Variants in SZT2 observed in about 807,000 individuals in gnomAD.
SZT2 encodes SZT2 subunit of KICSTOR complex, also known as KICSTOR complex protein SZT2.
SZT2 carries 216 observed loss-of-function variants against 404.2 expected under a neutral mutation model. That is an observed-to-expected ratio of 0.53 (90% confidence interval 0.48 to 0.60). SZT2 has a LOEUF of 0.60. Ranked by LOEUF, SZT2 falls within the 20% of genes least tolerant of loss-of-function variation. SZT2 has a pLI of 0.00. For synonymous variants in SZT2, 1,693 were observed against 1,749.9 expected (o/e 0.97, Z 0.81); for missense variants, 3,857 against 4,459.2 (o/e 0.86, Z 3.85).
At chr1:43,444,720 G>A (rs1438650974) in intron 62 of SZT2, among the ~76,000 whole-genome samples, 1 of 152,132 alleles carries the variant, frequency 6.6e-6, no homozygotes, top group Non-Finnish European at 1.5e-5. Context: ...AGATTCCCGT[G>A]TTTGTGGCCC....
chr1:43,431,483 C>T lies in SZT2; in HGVS notation c.5048C>T (p.Ala1683Val), dbSNP rs1557569900. ...AGGCACCCAGGACTATCCAATTTGG[C>T]CACGCCCCACAGACTGGCTATTGAG... ...EERHPGLSNL[A>V]TPHRLAIETT... The change falls in exon 35 of 72, where the codon GCC becomes GTC. Residue 1683 changes from alanine (A) to valine (V), a missense_variant. Ala to Val is a moderately conservative substitution (Grantham distance 64). Coordinates refer to ENST00000634258, the MANE Select transcript of SZT2 (RefSeq NM_001365999.1). 12 of 1,614,168 alleles carry T rather than the reference C, an allele frequency of 7.4e-6. No homozygotes were observed. The highest frequency in any genetic ancestry group is 1.0e-5 in the Non-Finnish European group (12 of 1,180,018).
chr1:43,407,359 C>A lies in SZT2; in HGVS notation c.498+2809C>A, dbSNP rs143662016. On this transcript the variant is annotated intron_variant, in intron 4 of 71. Transcript: ENST00000634258. Reference sequence around the variant, plus strand: ...TCTACTAAAAATACAACAACAACAACAAAAAAATTAGCTGGGCGTGATGGT... The same window carrying A: ...TCTACTAAAAATACAACAACAACAAAAAAAAAATTAGCTGGGCGTGATGGT... Among the ~76,000 whole-genome samples, 95 of 152,014 alleles carry A rather than the reference C, an allele frequency of 6.2e-4. No individual in the cohort carries two copies. In the East Asian group the frequency reaches 0.013, roughly 20 times the overall value.
intron 1 of SZT2, among the ~76,000 whole-genome samples, chr1:43,399,753 G>A (rs375011048): frequency 6.6e-6 from 1 of 151,748 alleles, no homozygotes; most frequent in Non-Finnish European, 1.5e-5. Context: ...GAGCCATGGT[G>A]CCCGGCCACC....
rs1028572113 is a variant in SZT2, at chr1:43,420,094, C to T, written c.1091-59C>T. 1.3e-6 allele frequency: 2 copies of T among 1,582,504 alleles called. No individual in the cohort carries two copies. Among genetic ancestry groups the T allele is most frequent in the African/African-American group, 2.7e-5 (2 of 74,684 alleles). Reference sequence around the variant, plus strand: ...ATTTCAGCATAGCCCCTTCCCCCTACAGATCTGTCAGTTGGCAGATAACCA... The same window carrying T: ...ATTTCAGCATAGCCCCTTCCCCCTATAGATCTGTCAGTTGGCAGATAACCA... On this transcript the variant is annotated intron_variant, in intron 8 of 71. Transcript: ENST00000634258. This position sits in a 1 kb window ranked among gnomAD's most constrained non-coding sequence, Gnocchi z 5.1.
In SZT2 at chr1:43,425,845, G is replaced by A. The variant is rs766765965; in HGVS notation, c.2825G>A (p.Arg942Gln). The change falls in exon 20 of 72, where the codon CGG (arginine) becomes CAG (glutamine). Residue 942 changes from arginine (R) to glutamine (Q), a missense_variant. Transcript: ENST00000634258. This position sits in a 1 kb window ranked among gnomAD's most constrained non-coding sequence, Gnocchi z 4.3. ...ATGTTCTTCCTGTAGCTCCACCCAC[G>A]GGATGCTGCCTGCATAGGCTCCATG... ...YSEIPQALHP[R>Q]DAACIGSMLS... The A allele has an allele frequency of 4.3e-6, 7 of 1,613,836 alleles. No individual in the cohort carries two copies. The highest frequency in any genetic ancestry group is 2.2e-5 in the East Asian group (1 of 44,880).
At chr1:43,446,138 T>A in intron 63 of SZT2, 41 bp from the exon 64 acceptor site, 1 of 1,611,978 alleles carries the variant, frequency 6.2e-7, no homozygotes, top group Non-Finnish European at 8.5e-7. Context: ...GATTCGAGGC[T>A]GGTGAGCCCC....
Position 43,437,337 on chromosome 1 carries a change from A to G in SZT2, c.6187+14A>G. The G allele has an allele frequency of 6.2e-7, 1 of 1,614,094 alleles. No homozygotes were observed. Among genetic ancestry groups the G allele is most frequent in the Non-Finnish European group, 8.5e-7 (1 of 1,180,000 alleles). On this transcript the variant is annotated intron_variant, in intron 43 of 71. Coordinates refer to ENST00000634258, the MANE Select transcript of SZT2 (RefSeq NM_001365999.1). The surrounding 1 kb of genome is among the most constrained non-coding windows in gnomAD (Gnocchi z 5.3). Reference sequence around the variant, plus strand: ...GGGTCTCTCGGGGTATGTGATTGGCATGAGAGGGCAGGTGAGCATTGGAAG... The same window carrying G: ...GGGTCTCTCGGGGTATGTGATTGGCGTGAGAGGGCAGGTGAGCATTGGAAG...
chr1:43,419,847 G>T lies in SZT2; in HGVS notation c.993G>T (p.Pro331=), dbSNP rs765819281. Residue 331 remains proline, a synonymous_variant, in exon 8 of 72, where the codon CCG becomes CCT. Transcript: ENST00000634258. ...CCTACCTGTCCACTTGTCCTGAGCC[G>T]GAGCCAGGCAACCTGGGTCTGACTG... ...FGSYLSTCPE[P]EPGNLGLTVY... 2.5e-6 allele frequency: 4 copies of T among 1,598,336 alleles called. No homozygotes were observed. Among genetic ancestry groups the T allele is most frequent in the Non-Finnish European group, 3.4e-6 (4 of 1,179,806 alleles).
rs141075866 is a variant in SZT2 at position 43,428,037 on chromosome 1, G to A, written c.3838G>A (p.Ala1280Thr). Residue 1280 changes from alanine (A) to threonine (T), a missense_variant, in exon 27 of 72, where the codon GCC (alanine) becomes ACC (threonine). By Grantham distance (58) the Ala-to-Thr change is moderately conservative (BLOSUM62 0). Around this residue, in one of 7 missense-constraint regions of SZT2, gnomAD observed 1,725 missense variants for 1,881.0 expected, o/e 0.92. Transcript: ENST00000634258. ...CCTCGACCACCCCTCCCCATCCTCA[G>A]CCTGGATGGAACCCCGGTACAAGGA... ...QFLDHPSPSS[A>T]WMEPRYKEAA... is the part of the protein sequence containing the mutation. 6.9e-5 allele frequency: 112 copies of A among 1,614,152 alleles called. No individual in the cohort carries two copies. In the East Asian group the frequency reaches 2.3e-3, roughly 33 times the overall value.
At position 43,454,151 on chromosome 1, in the gene SZT2, A is replaced by G. The variant is rs762727521; in HGVS notation, c.*3671A>G. On this transcript the variant is annotated 3_prime_UTR_variant, in exon 72 of 72. Transcript: ENST00000634258. Reference sequence around the variant, plus strand: ...TTGCAATGATGGGACGCGCACTTTAATACTGAGTCTTTCCTCTGATTATAA... The same window carrying G: ...TTGCAATGATGGGACGCGCACTTTAGTACTGAGTCTTTCCTCTGATTATAA... 28 of 450,810 alleles carry G rather than the reference A, an allele frequency of 6.2e-5. No homozygotes were observed. In the Middle Eastern group the frequency reaches 2.8e-3, roughly 45 times the overall value. 27.9% of individuals were successfully genotyped at this position (450,810 alleles called of 1,614,324 possible).
intron 4 of SZT2, 122 bp downstream of exon 4, chr1:43,404,672 C>T (rs1650085511): frequency 5.8e-6 from 6 of 1,028,322 alleles, no homozygotes; most frequent in Non-Finnish European, 7.1e-6. Context: ...GCTTCTTGAA[C>T]CTGTTTTCTA....
At chr1:43,432,859 A>C in intron 39 of SZT2, 60 bp downstream of exon 39, 1 of 1,603,690 alleles carries the variant, frequency 6.2e-7, no homozygotes, top group Non-Finnish European at 8.5e-7. Context: ...TTAGGGCTGT[A>C]CTGGGAAAGG....
Position 43,423,170 on chromosome 1 carries a change from G to C in SZT2, c.2109G>C (p.Thr703=), listed in dbSNP as rs192978084. The change falls in exon 15 of 72, where the codon ACG becomes ACC. Residue 703 remains threonine, a synonymous_variant. Transcript: ENST00000634258. Reference sequence around the variant, plus strand: ...ACCGGGTACAAAGCAAGGAGCCAACGCCCAAGGTGAAACGAAAAGGGCTAG... The same window carrying C: ...ACCGGGTACAAAGCAAGGAGCCAACCCCCAAGGTGAAACGAAAAGGGCTAG... The part of the protein sequence containing the change: ...FPHRVQSKEP[T]PKVKRKGLGG... The C allele has an allele frequency of 6.3e-7, 1 of 1,597,402 alleles. No homozygotes were observed.
At position 43,442,227 on chromosome 1, in the gene SZT2, C is replaced by T. The variant is rs200231508; in HGVS notation, c.7874-41C>T. The T allele has an allele frequency of 1.2e-6, 2 of 1,603,342 alleles. No individual in the cohort carries two copies. Among genetic ancestry groups the T allele is most frequent in the East Asian group, 4.5e-5 (2 of 44,794 alleles). On this transcript the variant is annotated intron_variant, in intron 56 of 71. Transcript: ENST00000634258. The surrounding 1 kb of genome is among the most constrained non-coding windows in gnomAD (Gnocchi z 4.5). ...AGGGGAGGGTGGGATCAAGGGGGAT[C>T]TGTTCCCAGGCCCCTATTGTGCCCC... is the stretch of plus-strand genomic sequence containing the variant.
Position 43,437,639 on chromosome 1 carries a change from C to G in SZT2, c.6335C>G (p.Ala2112Gly), listed in dbSNP as rs746338306. The G allele has an allele frequency of 6.2e-7, 1 of 1,614,020 alleles. No homozygotes were observed. ...AGTGACCGGCCATGGAAAGGGGATG[C>G]GCTGCCCCCTTCCCTCGCTCTGTCC... ...SCSDRPWKGD[A>G]LPPSLALSRS... The change falls in exon 45 of 72, where the codon GCG becomes GGG. Residue 2112 changes from alanine (A) to glycine (G), a missense_variant. Coordinates refer to ENST00000634258, the MANE Select transcript of SZT2 (RefSeq NM_001365999.1). The surrounding 1 kb of genome is among the most constrained non-coding windows in gnomAD (Gnocchi z 5.3).
At position 43,421,971 on chromosome 1, in the gene SZT2, C is replaced by T. The variant is rs546954041; in HGVS notation, c.1627-112C>T. On this transcript the variant is annotated intron_variant, in intron 11 of 71. Transcript: ENST00000634258. ...CAGGCTGGGCTGTAGCCTCAAACCA[C>T]TGCTGTCTCTGACTCTCTGAACGGA... 7.9e-5 allele frequency: 97 copies of T among 1,225,668 alleles called. 1 individual carries two copies. The South Asian group carries it at 8.3e-4, about 10-fold the overall frequency. 75.9% of individuals were successfully genotyped at this position (1,225,668 alleles called of 1,614,324 possible).
chr1:43,390,215 T>A, intron 1 of SZT2, among the ~76,000 whole-genome samples: 1 of 152,270 alleles, frequency 6.6e-6, no homozygotes, highest in Admixed American at 6.5e-5. Flanking sequence ...AACTGTTCGC[T>A]TTGTTTTGTT....
intron 40 of SZT2, 90 bp from the exon 41 acceptor site, chr1:43,434,296 G>A (rs752070022): frequency 1.6e-4 from 178 of 1,127,138 alleles, no homozygotes; most frequent in Non-Finnish European, 2.1e-4. Flanking sequence ...CTCGTGATAC[G>A]TATAACTGCA....
At chr1:43,431,606 G>C in intron 35 of SZT2, 83 bp downstream of exon 35, 1 of 1,602,476 alleles carries the variant, frequency 6.2e-7, no homozygotes, top group Admixed American at 1.7e-5. Context: ...TTCTGGGATA[G>C]AAGTGAGGCC....
Sources: allele counts gnomAD v4.1 joint callset (sites outside exome capture counted in the v4.1 genomes callset), GRCh38; gene constraint gnomAD v4.1.1; regional missense constraint gnomAD v4.1.1; non-coding constraint Gnocchi (gnomAD v3.1); transcripts MANE v1.5; gene names NCBI Gene and HGNC (gene_info 2026-07-23, HGNC 2026-07-21).